The following RANBP2 variants were observed in gnomAD, a reference collection of about 807,000 sequenced individuals.
RANBP2 encodes the protein E3 SUMO-protein ligase RanBP2.
RANBP2 carries 57 observed loss-of-function variants against 303.6 expected under a neutral mutation model. The observed-to-expected ratio is 0.19, with a 90% CI of 0.15 to 0.23. The LOEUF is 0.23. RANBP2 is among the 10% of genes least tolerant of loss of function. The pLI, the probability that RANBP2 is intolerant of heterozygous loss-of-function variation, is 1.00. For synonymous variants in RANBP2, 1,167 were observed against 1,301.5 expected (o/e 0.90, Z 2.23); for missense variants, 3,138 against 3,780.8 (o/e 0.83, Z 4.46).
At chr2:108,838,122 T>G in the RANBP2 span, among the ~76,000 whole-genome samples, 1 of 152,032 alleles carries the variant, frequency 6.6e-6, no homozygotes, top group Non-Finnish European at 1.5e-5. Flanking sequence ...TCTGGTAAGA[T>G]TACGGCAGAG....
At chr2:109,324,156 C>T in the RANBP2 span, among the ~76,000 whole-genome samples, 1 of 152,170 alleles carries the variant, frequency 6.6e-6, no homozygotes, top group Non-Finnish European at 1.5e-5. Flanking sequence ...GTTTTTATGG[C>T]TGAATAATAA....
At chr2:109,178,438 T>C in the RANBP2 span, among the ~76,000 whole-genome samples, 3 of 152,236 alleles carry the variant, frequency 2.0e-5, no homozygotes, top group Admixed American at 2.0e-4. Context: ...TTGTGAGCTC[T>C]AGATGGTCTC....
At chr2:108,810,771 G>T in the RANBP2 span, among the ~76,000 whole-genome samples, 121,909 of 152,202 alleles carry the variant, frequency 0.8, 49,111 homozygotes, top group East Asian at 0.95. Context: ...TGAAGTCATT[G>T]AGTGAATTTA....
At position 108,766,106 on chromosome 2, in the gene RANBP2, A is replaced by G. The variant is rs530737422; in HGVS notation, c.5567A>G (p.Glu1856Gly). ...SEKASKFGNT[E>G]QGFKFGHVDQ... The stretch of plus-strand genomic sequence containing the variant: ...AAAGCTTCTAAGTTTGGCAATACAG[A>G]GCAAGGATTCAAATTTGGGCATGTG... The change falls in exon 20 of 29, where the codon GAG (glutamate) becomes GGG (glycine). Residue 1856 changes from glutamate to glycine, a missense_variant. Glu to Gly is a moderately conservative substitution (Grantham distance 98). Transcript: ENST00000283195. 2 of 1,614,106 alleles carry G rather than the reference A, an allele frequency of 1.2e-6. No homozygotes were observed. The highest frequency in any genetic ancestry group is 4.5e-5 in the East Asian group (2 of 44,882).
chr2:108,800,626 T>A, the RANBP2 span, among the ~76,000 whole-genome samples: 1 of 141,058 alleles, frequency 7.1e-6, no homozygotes, highest in Non-Finnish European at 1.5e-5. Flanking sequence ...TTTTTTTTTT[T>A]TTTTTTTTTT....
chr2:109,703,374 T>G, the RANBP2 span, among the ~76,000 whole-genome samples: 3 of 152,252 alleles, frequency 2.0e-5, no homozygotes, highest in Admixed American at 2.0e-4. Flanking sequence ...ACATGGTATG[T>G]TCACATTCAC....
chr2:109,560,220 C>T, the RANBP2 span, among the ~76,000 whole-genome samples: 1 of 152,142 alleles, frequency 6.6e-6, no homozygotes, highest in Non-Finnish European at 1.5e-5. Flanking sequence ...GGGCCTGGCC[C>T]CAACCACTGC....
At chr2:109,198,859 C>A in the RANBP2 span, among the ~76,000 whole-genome samples, 1 of 152,202 alleles carries the variant, frequency 6.6e-6, no homozygotes, top group East Asian at 1.9e-4. Flanking sequence ...CAGGATGTGA[C>A]TATACTGAAC....
chr2:108,829,004 G>C, the RANBP2 span, among the ~76,000 whole-genome samples: 1 of 152,014 alleles, frequency 6.6e-6, no homozygotes, highest in Non-Finnish European at 1.5e-5. Flanking sequence ...AACTCAAAAT[G>C]GGTCAAAGGC....
the RANBP2 span, among the ~76,000 whole-genome samples, chr2:109,253,306 A>T: frequency 6.6e-6 from 1 of 152,262 alleles, no homozygotes; most frequent in South Asian, 2.1e-4. Context: ...GGCATGAGCC[A>T]CTGCGCCCGG....
chr2:109,572,685 C>G, the RANBP2 span, among the ~76,000 whole-genome samples: 1 of 144,036 alleles, frequency 6.9e-6, no homozygotes, highest in Non-Finnish European at 1.5e-5. Context: ...GGTGCAATCT[C>G]GGATTACCAC....
the RANBP2 span, among the ~76,000 whole-genome samples, chr2:109,116,639 T>C: frequency 1.3e-5 from 2 of 152,252 alleles, no homozygotes; most frequent in Non-Finnish European, 2.9e-5. Flanking sequence ...CTCGTCAAAG[T>C]CATTCTCCGT....
the RANBP2 span, among the ~76,000 whole-genome samples, chr2:109,207,206 G>A: frequency 6.6e-6 from 1 of 152,156 alleles, no homozygotes; most frequent in Non-Finnish European, 1.5e-5. Flanking sequence ...GTGCAAACAG[G>A]TCTGTTTACA....
the RANBP2 span, among the ~76,000 whole-genome samples, chr2:109,137,021 T>C: frequency 6.6e-6 from 1 of 152,260 alleles, no homozygotes; most frequent in Non-Finnish European, 1.5e-5. Flanking sequence ...TACACTACAG[T>C]GGACACTGGG....
chr2:109,748,766 G>C, the RANBP2 span, among the ~76,000 whole-genome samples: 3 of 151,288 alleles, frequency 2.0e-5, no homozygotes, highest in African/African-American at 4.9e-5. Context: ...CCAGCTACTC[G>C]GGAGACTGAG....
In RANBP2 at chr2:108,749,021, C is replaced by T; in HGVS notation, c.1165C>T (p.Leu389=). The change falls in exon 9 of 29, where the codon CTG becomes TTG. Residue 389 remains leucine (L), a synonymous_variant. Coordinates refer to ENST00000283195, the MANE Select transcript of RANBP2 (RefSeq NM_006267.5). ...KSGQSALYDA[L]FSSQSPKDTS... is the part of the protein sequence containing the mutation. ...CGGGCAGTCTGCATTATATGATGCT[C>T]TGTTTTCTAGTCAGTCACCTAAGGA... The T allele has an allele frequency of 6.2e-7, 1 of 1,611,850 alleles. No homozygotes were observed. Among genetic ancestry groups the T allele is most frequent in the Non-Finnish European group, 8.5e-7 (1 of 1,179,852 alleles).
chr2:108,761,370 G>GT (rs1301571668), intron 18 of RANBP2, among the ~76,000 whole-genome samples: 3 of 152,124 alleles, frequency 2.0e-5, no homozygotes, highest in East Asian at 3.9e-4. Context: ...CACAGTTTCT[G>GT]TTTCTTTTTC....
chr2:109,319,560 G>GA, the RANBP2 span, among the ~76,000 whole-genome samples: 1 of 152,238 alleles, frequency 6.6e-6, no homozygotes, highest in African/African-American at 2.4e-5. Flanking sequence ...TCACAGGGCT[G>GA]AAAACAAGCC....
the RANBP2 span, chr2:109,574,443 TAAAA>T: frequency 0.013 from 3,541 of 270,374 alleles, no homozygotes; most frequent in Middle Eastern, 0.025. Context: ...ACTTTATCTC[TAAAA>T]AAAAAAAAAA....
Sources: allele counts gnomAD v4.1 joint callset (sites outside exome capture counted in the v4.1 genomes callset), GRCh38; gene constraint gnomAD v4.1.1; transcripts MANE v1.5; gene names NCBI Gene and HGNC (gene_info 2026-07-23, HGNC 2026-07-21).